Variants in TLX2 observed in about 807,000 individuals in gnomAD.
The protein encoded by TLX2 is T cell leukemia homeobox 2.
In TLX2, 15 loss-of-function variants were observed where a neutral mutation model predicts 21.7. The ratio of observed to expected loss-of-function variants is 0.69; its 90% CI spans 0.46 to 1.07. The LOEUF is 1.07. TLX2 is among the 50% of genes least tolerant of loss of function. The probability of loss-of-function intolerance (pLI) is 0.00; values close to 1 mark genes in which losing one functional copy is unlikely to be tolerated. For synonymous variants in TLX2, 213 were observed against 193.1 expected (o/e 1.10, Z -0.85); for missense variants, 384 against 409.1 (o/e 0.94, Z 0.53).
In TLX2 at chr2:74,516,420, G is replaced by T; in HGVS notation, c.*231G>T. On this transcript the variant is annotated 3_prime_UTR_variant, in exon 3 of 3. Coordinates refer to ENST00000233638, the MANE Select transcript of TLX2 (RefSeq NM_016170.5). The stretch of plus-strand genomic sequence containing the variant: ...TTCACTTCACTGCCGTTACGCCCTC[G>T]CTGGAACCTGAGGCGCCGAGAGGGC... 7.1e-7 allele frequency: 1 copy of T among 1,414,842 alleles called. No homozygotes were observed. Among genetic ancestry groups the T allele is most frequent in the East Asian group, 2.8e-5 (1 of 35,692 alleles). 87.6% of individuals were successfully genotyped at this position (1,414,842 alleles called of 1,614,324 possible).
rs370913959 is a variant in TLX2 at position 74,515,081 on chromosome 2, C to T, written c.275C>T (p.Pro92Leu). ...RVPAHRPLPV[P>L]PPAGGAPAVP... is the part of the protein sequence containing the mutation. ...CCTGCGCACCGCCCGCTGCCTGTGCCGCCGCCCGCTGGGGGGGCGCCTGCA... is the reference window on the plus strand; with the variant it reads ...CCTGCGCACCGCCCGCTGCCTGTGCTGCCGCCCGCTGGGGGGGCGCCTGCA... The change falls in exon 1 of 3, where the codon CCG (proline) becomes CTG (leucine). Residue 92 changes from proline (P) to leucine (L), a missense_variant. Physicochemically the swap from Pro to Leu is moderately conservative, Grantham distance 98. Transcript: ENST00000233638. This position sits in a 1 kb window ranked among gnomAD's most constrained non-coding sequence, Gnocchi z 6.6. 1.3e-6 allele frequency: 2 copies of T among 1,524,998 alleles called. No homozygotes were observed. The highest frequency in any genetic ancestry group is 2.9e-5 in the African/African-American group (2 of 69,586). 94.5% of individuals were successfully genotyped at this position (1,524,998 alleles called of 1,614,324 possible).
Position 74,514,824 on chromosome 2 carries a change from G to A in TLX2, c.18G>A (p.Leu6=), listed in dbSNP as rs1403081940. MEPGM[L]GPHNLPHHEP... ...CCAGACCGATGGAGCCGGGGATGCT[G>A]GGTCCACACAACCTCCCACACCACG... Residue 6 remains leucine (L), a synonymous_variant, in exon 1 of 3, where the codon CTG becomes CTA. Coordinates refer to ENST00000233638, the MANE Select transcript of TLX2 (RefSeq NM_016170.5). This position sits in a 1 kb window ranked among gnomAD's most constrained non-coding sequence, Gnocchi z 5.0. 4 of 1,612,724 alleles carry A rather than the reference G, an allele frequency of 2.5e-6. No homozygotes were observed. The highest frequency in any genetic ancestry group is 4.5e-5 in the East Asian group (2 of 44,864).
At position 74,514,527 on chromosome 2, in the gene TLX2, T is replaced by G. The variant is rs1012467277; in HGVS notation, c.-280T>G. The G allele has an allele frequency of 1.5e-6, 2 of 1,332,606 alleles. No homozygotes were observed. The highest frequency in any genetic ancestry group is 3.5e-5 in the Admixed American group (1 of 28,832). The allele number at this position is 1,332,606 out of a possible 1,614,324, so 82.5% of individuals were successfully genotyped here. A position where few individuals can be genotyped will look rare whatever the true frequency, so the allele number is the denominator to read the frequency against. ...GCGGCGCCGGCAGCCCAGCGTCTAT[T>G]TGCGCTTAAGAGCCAGCAAGGAAGC... is the stretch of plus-strand genomic sequence containing the variant. On this transcript the variant is annotated 5_prime_UTR_variant, in exon 1 of 3. In the 5' UTR this introduces an upstream ATG that the reference lacks. Transcript: ENST00000233638. This position sits in a 1 kb window ranked among gnomAD's most constrained non-coding sequence, Gnocchi z 5.0.
Position 74,516,635 on chromosome 2 carries a change from C to A in TLX2, c.*446C>A. ...GGTGTGAAGGAAAGAAGACACCGAC[C>A]ACGGCGAAGCAATAGAGGGGGTGCT... On this transcript the variant is annotated 3_prime_UTR_variant, in exon 3 of 3. Coordinates refer to ENST00000233638, the MANE Select transcript of TLX2 (RefSeq NM_016170.5). 2.9e-6 allele frequency: 2 copies of A among 699,456 alleles called. No individual in the cohort carries two copies. Among genetic ancestry groups the A allele is most frequent in the Non-Finnish European group, 3.7e-6 (2 of 539,904 alleles). The allele number at this position is 699,456 out of a possible 1,614,324, so 43.3% of individuals were successfully genotyped here.
chr2:74,515,273 C>G lies in TLX2; in HGVS notation c.400+67C>G. 6.5e-7 allele frequency: 1 copy of G among 1,533,934 alleles called. No homozygotes were observed. The highest frequency in any genetic ancestry group is 8.7e-7 in the Non-Finnish European group (1 of 1,146,138). Reference sequence around the variant, plus strand: ...CCCCGTCTCCTCATTTCTTAGCTTTCTGCTCCAACTCAAGGACCCCTTTCA... The same window carrying G: ...CCCCGTCTCCTCATTTCTTAGCTTTGTGCTCCAACTCAAGGACCCCTTTCA... On this transcript the variant is annotated intron_variant, in intron 1 of 2. Coordinates refer to ENST00000233638, the MANE Select transcript of TLX2 (RefSeq NM_016170.5). This position sits in a 1 kb window ranked among gnomAD's most constrained non-coding sequence, Gnocchi z 6.6.
In TLX2 at chr2:74,514,918, G is replaced by C; in HGVS notation, c.112G>C (p.Gly38Arg). The C allele has an allele frequency of 6.2e-7, 1 of 1,609,260 alleles. No individual in the cohort carries two copies. Among genetic ancestry groups the C allele is most frequent in the Non-Finnish European group, 8.5e-7 (1 of 1,178,274 alleles). The change falls in exon 1 of 3, where the codon GGT (glycine) becomes CGT (arginine). Residue 38 changes from glycine (G) to arginine (R), a missense_variant. Transcript: ENST00000233638. The surrounding 1 kb of genome is among the most constrained non-coding windows in gnomAD (Gnocchi z 5.0). Reference sequence around the variant, plus strand: ...AACCCCAGGGGGCGGTCTAGGCCTGGGTCGCGGGGGCCAGGGTCATGGGGA... The same window carrying C: ...AACCCCAGGGGGCGGTCTAGGCCTGCGTCGCGGGGGCCAGGGTCATGGGGA... Reference protein sequence around the residue: ...PETPGGGLGLGRGGQGHGENG... With the variant: ...PETPGGGLGLRRGGQGHGENG...
chr2:74,514,767 C>T lies in TLX2; in HGVS notation c.-40C>T, dbSNP rs1433545889. The T allele has an allele frequency of 1.2e-6, 2 of 1,610,586 alleles. No homozygotes were observed. The highest frequency in any genetic ancestry group is 1.7e-6 in the Non-Finnish European group (2 of 1,178,976). On this transcript the variant is annotated 5_prime_UTR_variant, in exon 1 of 3. Transcript: ENST00000233638. This position sits in a 1 kb window ranked among gnomAD's most constrained non-coding sequence, Gnocchi z 5.0. ...CTGGCGCTGCCTGAGGCATCCTCCC[C>T]AACCACCGAACCTCCGGCGGTTCTC...
In TLX2 at chr2:74,515,042, G is replaced by T; in HGVS notation, c.236G>T (p.Gly79Val). The stretch of plus-strand genomic sequence containing the variant: ...GGCAGCTCCGGAGTGGGCCCAGGCG[G>T]CGTGATCCGCGTCCCTGCGCACCGC... ...LPGSSGVGPGGVIRVPAHRPL... is the reference protein window; with the variant it reads ...LPGSSGVGPGVVIRVPAHRPL... The change falls in exon 1 of 3, where the codon GGC becomes GTC. Residue 79 changes from glycine (G) to valine (V), a missense_variant. Physicochemically the swap from Gly to Val is moderately radical, Grantham distance 109. Transcript: ENST00000233638. The surrounding 1 kb of genome is among the most constrained non-coding windows in gnomAD (Gnocchi z 6.6). 6.6e-7 allele frequency: 1 copy of T among 1,519,212 alleles called. No individual in the cohort carries two copies. Among genetic ancestry groups the T allele is most frequent in the Non-Finnish European group, 8.8e-7 (1 of 1,135,024 alleles). The allele number at this position is 1,519,212 out of a possible 1,614,324, so 94.1% of individuals were successfully genotyped here. A position where few individuals can be genotyped will look rare whatever the true frequency, so the allele number is the denominator to read the frequency against.
In TLX2 at chr2:74,514,766, C is replaced by T. The variant is rs1674836339; in HGVS notation, c.-41C>T. 1 of 1,610,364 alleles carries T rather than the reference C, an allele frequency of 6.2e-7. No homozygotes were observed. The highest frequency in any genetic ancestry group is 8.5e-7 in the Non-Finnish European group (1 of 1,178,918). Reference sequence around the variant, plus strand: ...TCTGGCGCTGCCTGAGGCATCCTCCCCAACCACCGAACCTCCGGCGGTTCT... The same window carrying T: ...TCTGGCGCTGCCTGAGGCATCCTCCTCAACCACCGAACCTCCGGCGGTTCT... On this transcript the variant is annotated 5_prime_UTR_variant, in exon 1 of 3. Coordinates refer to ENST00000233638, the MANE Select transcript of TLX2 (RefSeq NM_016170.5). This position sits in a 1 kb window ranked among gnomAD's most constrained non-coding sequence, Gnocchi z 5.0.
chr2:74,514,731 C>A lies in TLX2; in HGVS notation c.-76C>A. Reference sequence around the variant, plus strand: ...TGAGGCCACTCTCCGGAGCGCGCCGCCGCTGGGCTTCTGGCGCTGCCTGAG... The same window carrying A: ...TGAGGCCACTCTCCGGAGCGCGCCGACGCTGGGCTTCTGGCGCTGCCTGAG... On this transcript the variant is annotated 5_prime_UTR_variant, in exon 1 of 3. Transcript: ENST00000233638. This position sits in a 1 kb window ranked among gnomAD's most constrained non-coding sequence, Gnocchi z 5.0. The A allele has an allele frequency of 1.3e-6, 2 of 1,593,990 alleles. No individual in the cohort carries two copies. The highest frequency in any genetic ancestry group is 1.7e-6 in the Non-Finnish European group (2 of 1,171,432).
Position 74,514,648 on chromosome 2 carries a change from A to G in TLX2, c.-159A>G. 6.9e-7 allele frequency: 1 copy of G among 1,459,764 alleles called. No individual in the cohort carries two copies. The highest frequency in any genetic ancestry group is 9.0e-7 in the Non-Finnish European group (1 of 1,110,988). The allele number at this position is 1,459,764 out of a possible 1,614,324, so 90.4% of individuals were successfully genotyped here. On this transcript the variant is annotated 5_prime_UTR_variant, in exon 1 of 3. Coordinates refer to ENST00000233638, the MANE Select transcript of TLX2 (RefSeq NM_016170.5). The surrounding 1 kb of genome is among the most constrained non-coding windows in gnomAD (Gnocchi z 5.0). The stretch of plus-strand genomic sequence containing the variant: ...ACGGGCGCGGCTGCTCCGGGTGCAC[A>G]GGGATGCTGCTGTTTCGGGGACCCC...
At position 74,514,849 on chromosome 2, in the gene TLX2, G is replaced by C; in HGVS notation, c.43G>C (p.Glu15Gln). ...GGGTCCACACAACCTCCCACACCAC[G>C]AGCCAATCAGCTTCGGCATCGATCA... ...MLGPHNLPHH[E>Q]PISFGIDQIL... The change falls in exon 1 of 3, where the codon GAG becomes CAG. Residue 15 changes from glutamate to glutamine, a missense_variant. By Grantham distance (29) the Glu-to-Gln change is conservative. Coordinates refer to ENST00000233638, the MANE Select transcript of TLX2 (RefSeq NM_016170.5). This position sits in a 1 kb window ranked among gnomAD's most constrained non-coding sequence, Gnocchi z 5.0. 1 of 1,613,070 alleles carries C rather than the reference G, an allele frequency of 6.2e-7. No homozygotes were observed. The highest frequency in any genetic ancestry group is 8.5e-7 in the Non-Finnish European group (1 of 1,179,698).
At position 74,515,091 on chromosome 2, in the gene TLX2, T is replaced by TG. The variant is rs1238341034; in HGVS notation, c.292dup (p.Ala98GlyfsTer269). 10 of 1,525,406 alleles carry TG rather than the reference T, an allele frequency of 6.6e-6. No individual in the cohort carries two copies. Among genetic ancestry groups the TG allele is most frequent in the Admixed American group, 4.2e-5 (2 of 47,520 alleles). The allele number at this position is 1,525,406 out of a possible 1,614,324, so 94.5% of individuals were successfully genotyped here. On this transcript the variant is annotated frameshift_variant, in exon 1 of 3. Transcript: ENST00000233638. LOFTEE classifies it high-confidence loss of function. This position sits in a 1 kb window ranked among gnomAD's most constrained non-coding sequence, Gnocchi z 6.6. The stretch of plus-strand genomic sequence containing the variant: ...GCCCGCTGCCTGTGCCGCCGCCCGC[T>TG]GGGGGGGCGCCTGCAGTGCCTGGGC...
Position 74,515,225 on chromosome 2 carries a change from T to A in TLX2, c.400+19T>A. The stretch of plus-strand genomic sequence containing the variant: ...CTCACGGGTGAGGTTGTCTGACCCC[T>A]CCAGCGTCACGCCCGACTCTGACCC... On this transcript the variant is annotated intron_variant, in intron 1 of 2. Coordinates refer to ENST00000233638, the MANE Select transcript of TLX2 (RefSeq NM_016170.5). This position sits in a 1 kb window ranked among gnomAD's most constrained non-coding sequence, Gnocchi z 6.6. 1 of 1,537,998 alleles carries A rather than the reference T, an allele frequency of 6.5e-7. No individual in the cohort carries two copies. Among genetic ancestry groups the A allele is most frequent in the South Asian group, 1.2e-5 (1 of 84,204 alleles).
Position 74,515,125 on chromosome 2 carries a change from T to C in TLX2, c.319T>C (p.Leu107=), listed in dbSNP as rs771025947. ...GCCTGCAGTGCCTGGGCCCTCGGGT[T>C]TGGGCGGCGCCGGAGGCCTAGCGGG... ...GAPAVPGPSG[L]GGAGGLAGLT... is the part of the protein sequence containing the mutation. Residue 107 remains leucine, a synonymous_variant, in exon 1 of 3, where the codon TTG becomes CTG. Transcript: ENST00000233638. The surrounding 1 kb of genome is among the most constrained non-coding windows in gnomAD (Gnocchi z 6.6). The C allele has an allele frequency of 1.0e-4, 160 of 1,540,874 alleles. No individual in the cohort carries two copies. The highest frequency in any genetic ancestry group is 1.2e-4 in the Non-Finnish European group (143 of 1,145,588).
rs1339131589 is a variant in TLX2, at chr2:74,515,256, C to T, written c.400+50C>T. 3.3e-6 allele frequency: 5 copies of T among 1,535,072 alleles called. No individual in the cohort carries two copies. Among genetic ancestry groups the T allele is most frequent in the Non-Finnish European group, 3.5e-6 (4 of 1,146,470 alleles). On this transcript the variant is annotated intron_variant, in intron 1 of 2. Transcript: ENST00000233638. The surrounding 1 kb of genome is among the most constrained non-coding windows in gnomAD (Gnocchi z 6.6). ...GTCACGCCCGACTCTGACCCCGTCT[C>T]CTCATTTCTTAGCTTTCTGCTCCAA...
chr2:74,516,570 T>C lies in TLX2; in HGVS notation c.*381T>C. 2.6e-6 allele frequency: 3 copies of C among 1,138,384 alleles called. No individual in the cohort carries two copies. The highest frequency in any genetic ancestry group is 3.3e-6 in the Non-Finnish European group (3 of 910,484). 70.5% of individuals were successfully genotyped at this position (1,138,384 alleles called of 1,614,324 possible). A position where few individuals can be genotyped will look rare whatever the true frequency, so the allele number is the denominator to read the frequency against. The stretch of plus-strand genomic sequence containing the variant: ...CGGGAGCTGGGGCTCTGAGGGGCTC[T>C]AGCGGCGTTGCGCGCGGTGCCGGCT... On this transcript the variant is annotated 3_prime_UTR_variant, in exon 3 of 3. Transcript: ENST00000233638.
rs1674878649 is a variant in TLX2, at chr2:74,516,095, T to G, written c.761T>G (p.Leu254Arg). Residue 254 changes from leucine to arginine, a missense_variant, in exon 3 of 3, where the codon CTG becomes CGG. Coordinates refer to ENST00000233638, the MANE Select transcript of TLX2 (RefSeq NM_016170.5). ...RPPLPPDPLC[L>R]HNSSLFALQN... ...CCGCTGCCCCCGGACCCTCTCTGCC[T>G]GCACAACTCGTCGCTCTTCGCGCTG... The G allele has an allele frequency of 1.3e-5, 21 of 1,609,094 alleles. No individual in the cohort carries two copies. Among genetic ancestry groups the G allele is most frequent in the Non-Finnish European group, 1.7e-5 (20 of 1,178,920 alleles).
rs1221042845 is a variant in TLX2 at position 74,516,254 on chromosome 2, T to C, written c.*65T>C. On this transcript the variant is annotated 3_prime_UTR_variant, in exon 3 of 3. Transcript: ENST00000233638. ...GCGGTGGAGCGCGCGGCTGCCTGCG[T>C]CCATGGTCTAGTGGCAGCCGGGCGC... 3 of 1,560,840 alleles carry C rather than the reference T, an allele frequency of 1.9e-6. No individual in the cohort carries two copies. In the South Asian group the frequency reaches 3.5e-5, roughly 18 times the overall value.
Sources: allele counts gnomAD v4.1 joint callset, GRCh38; gene constraint gnomAD v4.1.1; non-coding constraint Gnocchi (gnomAD v3.1); transcripts MANE v1.5; gene names NCBI Gene and HGNC (gene_info 2026-07-23, HGNC 2026-07-21).